Variants in VWA3B observed in about 807,000 individuals in gnomAD.
VWA3B encodes the protein von Willebrand factor A domain-containing protein 3B.
VWA3B carries 138 observed loss-of-function variants against 158.3 expected under a neutral mutation model. The ratio of observed to expected loss-of-function variants is 0.87; its 90% CI spans 0.76 to 1.00. The LOEUF (loss-of-function observed/expected upper bound fraction) is 1.00, where lower values mean the gene tolerates loss of function less well. VWA3B is among the 50% of genes least tolerant of loss of function. The pLI, the probability that VWA3B is intolerant of heterozygous loss-of-function variation, is 0.00. For missense variants in VWA3B, 1,555 were observed against 1,565.1 expected, an observed-to-expected ratio of 0.99 and a Z score of 0.11; for synonymous variants, 596 against 587.3, an observed-to-expected ratio of 1.01 and a Z score of -0.21.
At chr2:98,098,151 C>G (rs559713110) in intron 2 of VWA3B, among the ~76,000 whole-genome samples, 2 of 152,152 alleles carry the variant, frequency 1.3e-5, no homozygotes, top group South Asian at 4.1e-4. Context: ...TATCAGCTAT[C>G]CTAGATAATA....
chr2:98,284,022 C>G (rs1251510345), intron 22 of VWA3B, among the ~76,000 whole-genome samples: 1 of 152,180 alleles, frequency 6.6e-6, no homozygotes, highest in East Asian at 1.9e-4. Flanking sequence ...CATTCACCAC[C>G]CACCAGTGAT....
At chr2:98,255,746 A>G (rs1188149897) in intron 20 of VWA3B, among the ~76,000 whole-genome samples, 1 of 152,172 alleles carries the variant, frequency 6.6e-6, no homozygotes, top group Non-Finnish European at 1.5e-5. Context: ...CTGAGAATCC[A>G]GGCAGAAGAG....
At chr2:98,218,289 A>G (rs1684204905) in intron 14 of VWA3B, among the ~76,000 whole-genome samples, 1 of 152,208 alleles carries the variant, frequency 6.6e-6, no homozygotes, top group Non-Finnish European at 1.5e-5. Flanking sequence ...CAGGAATTAT[A>G]AATTAATATA....
chr2:98,277,718 G>A (rs1414262623), intron 22 of VWA3B, among the ~76,000 whole-genome samples: 2 of 152,194 alleles, frequency 1.3e-5, no homozygotes, highest in Non-Finnish European at 2.9e-5. Context: ...TGCACACAGG[G>A]AGGCAGGCAT....
intron 21 of VWA3B, among the ~76,000 whole-genome samples, chr2:98,262,513 C>G (rs910539693): frequency 1.3e-5 from 2 of 151,828 alleles, no homozygotes; most frequent in Admixed American, 6.6e-5. Flanking sequence ...AGAATCACTT[C>G]TTGGAGAGAC....
rs759230723 is a variant in VWA3B at position 98,282,432 on chromosome 2, C to CTT, written c.3046-8057_3046-8056dup. On this transcript the variant is annotated intron_variant, in intron 22 of 27. Coordinates refer to ENST00000477737, the MANE Select transcript of VWA3B (RefSeq NM_144992.5). ...AACAAAGCAGAGTAAACATGAATTA[C>CTT]TTTTTTTTTTTTTTTTTTTTTTTGA... 8.6e-3 allele frequency among the ~76,000 whole-genome samples: 1,069 copies of CTT among 124,766 alleles called. 16 individuals are homozygous for CTT. Among genetic ancestry groups the CTT allele is most frequent in the African/African-American group, 0.023 (708 of 31,268 alleles). 81.9% of individuals were successfully genotyped at this position (124,766 alleles called of 152,430 possible). A position where few individuals can be genotyped will look rare whatever the true frequency, so the allele number is the denominator to read the frequency against.
intron 22 of VWA3B, among the ~76,000 whole-genome samples, chr2:98,283,986 G>A (rs1456258317): frequency 6.6e-6 from 1 of 152,206 alleles, no homozygotes; most frequent in African/African-American, 2.4e-5. Flanking sequence ...TCTCCTCTGG[G>A]TGAAAGCTCA....
intron 21 of VWA3B, among the ~76,000 whole-genome samples, chr2:98,270,476 T>C (rs1400439763): frequency 1.3e-5 from 2 of 152,236 alleles, no homozygotes; most frequent in Non-Finnish European, 2.9e-5. Context: ...GAGATGGTTA[T>C]TTCTAACCTT....
At chr2:98,123,303 C>T (rs930467133) in intron 5 of VWA3B, among the ~76,000 whole-genome samples, 12 of 152,198 alleles carry the variant, frequency 7.9e-5, no homozygotes, top group African/African-American at 1.7e-4. Context: ...CCTCCATGAG[C>T]GGGTGCTGAG....
chr2:98,193,230 CAT>C (rs201280131), intron 11 of VWA3B, among the ~76,000 whole-genome samples, 194 bp downstream of exon 11: 58 of 152,346 alleles, frequency 3.8e-4, no homozygotes, highest in African/African-American at 1.3e-3. Flanking sequence ...TTCTGTCACA[CAT>C]GAGTTGCTTA....
At chr2:98,094,589 T>C (rs1682584449) in intron 2 of VWA3B, among the ~76,000 whole-genome samples, 1 of 152,226 alleles carries the variant, frequency 6.6e-6, no homozygotes. Context: ...TTTACTCTGT[T>C]GATTTTTTTC....
At chr2:98,259,847 A>C (rs1687375218) in intron 21 of VWA3B, among the ~76,000 whole-genome samples, 1 of 151,616 alleles carries the variant, frequency 6.6e-6, no homozygotes, top group South Asian at 2.1e-4. Context: ...TTTGAGAGCT[A>C]TCTTTTAATG....
chr2:98,121,335 T>C lies in VWA3B; in HGVS notation c.579T>C (p.Ala193=). ...SQEPVKWQEN[A]TPVTEQSIAT... ...AGCCTGTGAAGTGGCAGGAAAATGC[T>C]ACTCCTGTGACCGAACAGTCCATAG... Residue 193 remains alanine (A), a synonymous_variant, in exon 5 of 28, where the codon GCT becomes GCC. Coordinates refer to ENST00000477737, the MANE Select transcript of VWA3B (RefSeq NM_144992.5). 6.2e-7 allele frequency: 1 copy of C among 1,614,098 alleles called. No individual in the cohort carries two copies. The highest frequency in any genetic ancestry group is 1.1e-5 in the South Asian group (1 of 91,080).
intron 13 of VWA3B, chr2:98,216,979 A>AGC (rs777411638): frequency 1.9e-6 from 2 of 1,069,078 alleles, no homozygotes; most frequent in South Asian, 1.5e-5. Context: ...TATCATTGTA[A>AGC]GCACCCGCCC....
chr2:98,211,856 G>A (rs1683546566), intron 12 of VWA3B, 74 bp from the exon 13 acceptor site: 1 of 1,303,094 alleles, frequency 7.7e-7, no homozygotes, highest in African/African-American at 1.5e-5. Flanking sequence ...TTTTTTGGAA[G>A]CAGAAAATAA....
intron 10 of VWA3B, among the ~76,000 whole-genome samples, chr2:98,188,882 G>A (rs1419092174): frequency 1.3e-5 from 2 of 152,204 alleles, no homozygotes; most frequent in Admixed American, 6.5e-5. Context: ...GCAAGCCAAC[G>A]TGTGGCTATC....
Position 98,100,093 on chromosome 2 carries a change from A to G in VWA3B, c.196+6805A>G, listed in dbSNP as rs904068800. 1.1e-4 allele frequency among the ~76,000 whole-genome samples: 16 copies of G among 152,264 alleles called. No individual in the cohort carries two copies. In the East Asian group the frequency reaches 2.7e-3, roughly 26 times the overall value. The stretch of plus-strand genomic sequence containing the variant: ...TAGGGTCAGTCACTAGCACGTTACT[A>G]TGTTCATTTGGTGATGTCATGTTTC... On this transcript the variant is annotated intron_variant, in intron 2 of 27. Coordinates refer to ENST00000477737, the MANE Select transcript of VWA3B (RefSeq NM_144992.5).
At chr2:98,147,755 G>T (rs1677282641) in intron 7 of VWA3B, among the ~76,000 whole-genome samples, 1 of 151,698 alleles carries the variant, frequency 6.6e-6, no homozygotes, top group Non-Finnish European at 1.5e-5. Context: ...CAACGTGCAG[G>T]TTTGTTACAT....
intron 21 of VWA3B, among the ~76,000 whole-genome samples, chr2:98,259,814 A>G (rs946863048): frequency 2.0e-5 from 3 of 151,414 alleles, no homozygotes; most frequent in Admixed American, 6.6e-5. Flanking sequence ...CTAGGTCCTT[A>G]AGGTGTAAAT....
Sources: allele counts gnomAD v4.1 joint callset (sites outside exome capture counted in the v4.1 genomes callset), GRCh38; gene constraint gnomAD v4.1.1; transcripts MANE v1.5; gene names NCBI Gene and HGNC (gene_info 2026-07-23, HGNC 2026-07-21).